MTHFD1L: variants seen among roughly 807,000 people sequenced by gnomAD.
MTHFD1L encodes the protein methylenetetrahydrofolate dehydrogenase (NADP+ dependent) 1 like.
A neutral mutation model predicts 119.5 loss-of-function variants in MTHFD1L; 81 were observed. The observed-to-expected ratio is 0.68, with a 90% CI of 0.57 to 0.82. The LOEUF (loss-of-function observed/expected upper bound fraction) is 0.82, where lower values mean the gene tolerates loss of function less well. Among genes scored for constraint, MTHFD1L ranks in the 40% least tolerant of loss-of-function variants. MTHFD1L has a pLI of 0.00. For synonymous variants in MTHFD1L, 430 were observed against 475.2 expected (o/e 0.90, Z 1.24); for missense variants, 1,125 against 1,253.4 (o/e 0.90, Z 1.55).
At chr6:151,086,702 T>G (rs1169701400) in intron 26 of MTHFD1L, among the ~76,000 whole-genome samples, 1 of 151,942 alleles carries the variant, frequency 6.6e-6, no homozygotes, top group Non-Finnish European at 1.5e-5. Flanking sequence ...TAATTTTTGT[T>G]TGTTTTTTGT....
At chr6:151,056,636 TG>T (rs1454602715) in intron 26 of MTHFD1L, among the ~76,000 whole-genome samples, 1 of 152,204 alleles carries the variant, frequency 6.6e-6, no homozygotes, top group East Asian at 1.9e-4. Context: ...TGAGGGACAC[TG>T]GTGCTGTGGG....
intron 22 of MTHFD1L, 40 bp from the exon 23 acceptor site, chr6:151,014,840 A>G: frequency 6.4e-7 from 1 of 1,554,484 alleles, no homozygotes; most frequent in East Asian, 2.3e-5. Flanking sequence ...GTGGGAGACA[A>G]TACACAGGGG....
chr6:150,997,162 C>G (rs368414833), intron 20 of MTHFD1L, among the ~76,000 whole-genome samples: 9 of 152,210 alleles, frequency 5.9e-5, no homozygotes, highest in African/African-American at 2.2e-4. Context: ...GGCTCATTTC[C>G]TTTATCCATA....
At chr6:150,887,179 A>G (rs191561795) in intron 6 of MTHFD1L, among the ~76,000 whole-genome samples, 3 of 152,276 alleles carry the variant, frequency 2.0e-5, no homozygotes, top group Non-Finnish European at 4.4e-5. Flanking sequence ...TGCTTTTTGG[A>G]CAGTAATATT....
chr6:150,957,930 T>C (rs1469468569), intron 17 of MTHFD1L, among the ~76,000 whole-genome samples: 1 of 152,078 alleles, frequency 6.6e-6, no homozygotes, highest in African/African-American at 2.4e-5. Context: ...TAAAAGCGAG[T>C]ATTGAAAAGG....
chr6:151,099,979 C>A, intron 27 of MTHFD1L: 1 of 808,254 alleles, frequency 1.2e-6, no homozygotes. Context: ...TAAAAACAGC[C>A]ATCTGGCATC....
At chr6:151,092,811 G>A (rs541747092) in intron 27 of MTHFD1L, among the ~76,000 whole-genome samples, 1 of 152,138 alleles carries the variant, frequency 6.6e-6, no homozygotes, top group East Asian at 1.9e-4. Flanking sequence ...AGTGTCCTGC[G>A]CTCGAGTCCA....
chr6:151,053,854 C>T (rs1177112691), intron 26 of MTHFD1L, among the ~76,000 whole-genome samples: 78 of 138,170 alleles, frequency 5.6e-4, no homozygotes, highest in African/African-American at 1.9e-3. Flanking sequence ...AGTGAGACTC[C>T]ATCTCAAAAA....
intron 11 of MTHFD1L, among the ~76,000 whole-genome samples, chr6:150,929,483 G>C (rs540043502): frequency 6.6e-6 from 1 of 152,164 alleles, no homozygotes; most frequent in Non-Finnish European, 1.5e-5. Flanking sequence ...TCCAGATATG[G>C]ATGGCTCTGA....
intron 24 of MTHFD1L, among the ~76,000 whole-genome samples, chr6:151,018,680 G>C (rs1173211200): frequency 6.6e-6 from 1 of 152,126 alleles, no homozygotes; most frequent in African/African-American, 2.4e-5. Context: ...TTGGAGGTCT[G>C]GGGGGAGACA....
chr6:151,010,080 C>T (rs777971868), intron 21 of MTHFD1L, 122 bp downstream of exon 21: 6 of 1,247,852 alleles, frequency 4.8e-6, no homozygotes, highest in Non-Finnish European at 6.3e-6. Flanking sequence ...TTTCTTAAAA[C>T]TTTTTTTTTC....
intron 20 of MTHFD1L, among the ~76,000 whole-genome samples, chr6:150,996,001 T>G (rs2128455895): frequency 6.6e-6 from 1 of 152,298 alleles, no homozygotes; most frequent in South Asian, 2.1e-4. Context: ...AAACAGAAGT[T>G]ATTTTGGAAA....
At chr6:150,933,076 A>G (rs1348201295) in intron 11 of MTHFD1L, among the ~76,000 whole-genome samples, 2 of 152,130 alleles carry the variant, frequency 1.3e-5, no homozygotes, top group Non-Finnish European at 2.9e-5. Flanking sequence ...ATTGCTCACA[A>G]TAAATACTTC....
intron 26 of MTHFD1L, among the ~76,000 whole-genome samples, chr6:151,068,557 T>C (rs1462019759): frequency 5.8e-4 from 88 of 152,206 alleles, no homozygotes; most frequent in Admixed American, 5.8e-3. Flanking sequence ...TTGTTCTTTT[T>C]TTCAGTACTT....
At chr6:150,898,442 A>T (rs1385606318) in intron 7 of MTHFD1L, among the ~76,000 whole-genome samples, 1 of 152,208 alleles carries the variant, frequency 6.6e-6, no homozygotes, top group Non-Finnish European at 1.5e-5. Context: ...TCTCAAAGGA[A>T]ACGGAATGCA....
intron 27 of MTHFD1L, chr6:151,099,714 CA>C: frequency 2.5e-6 from 4 of 1,610,926 alleles, no homozygotes; most frequent in Non-Finnish European, 1.7e-6. Flanking sequence ...ATGGGAGCAA[CA>C]AAAAAACAAA....
chr6:150,919,167 AAAAG>A (rs1788481419), intron 9 of MTHFD1L, among the ~76,000 whole-genome samples: 1 of 151,984 alleles, frequency 6.6e-6, no homozygotes, highest in South Asian at 2.1e-4. Context: ...AAAAAAAAAA[AAAAG>A]AAATACCTGA....
chr6:151,035,017 G>A (rs1785951926), intron 25 of MTHFD1L, among the ~76,000 whole-genome samples: 1 of 151,796 alleles, frequency 6.6e-6, no homozygotes, highest in African/African-American at 2.4e-5. Context: ...GTGGTGCCAG[G>A]GTAGGCAGAT....
At chr6:151,054,895 C>T (rs1170243419) in intron 26 of MTHFD1L, 5 of 151,932 alleles carry the variant, frequency 3.3e-5, no homozygotes, top group Admixed American at 6.6e-5. Flanking sequence ...TAGAGCATAA[C>T]GTCAACAGTG....
Sources: allele counts gnomAD v4.1 joint callset (sites outside exome capture counted in the v4.1 genomes callset), GRCh38; gene constraint gnomAD v4.1.1; transcripts MANE v1.5; gene names NCBI Gene and HGNC (gene_info 2026-07-23, HGNC 2026-07-21).